The following RALGAPB variants were observed in gnomAD, a reference collection of about 807,000 sequenced individuals.
RALGAPB encodes the protein Ral GTPase activating protein non-catalytic subunit beta, also known as ral GTPase-activating protein subunit beta.
Under a neutral mutation model 161.1 loss-of-function variants are expected in RALGAPB, and 25 were observed. That is an observed-to-expected ratio of 0.16 (90% CI 0.11 to 0.22). The LOEUF (loss-of-function observed/expected upper bound fraction) is 0.22, where lower values mean the gene tolerates loss of function less well. RALGAPB is among the 10% of genes least tolerant of loss of function. The probability of loss-of-function intolerance (pLI) is 1.00; values close to 1 mark genes in which losing one functional copy is unlikely to be tolerated. For synonymous variants in RALGAPB, 629 were observed against 626.1 expected, an observed-to-expected ratio of 1.00 and a Z score of -0.07; for missense variants, 1,391 against 1,815.2, an observed-to-expected ratio of 0.77 and a Z score of 4.25.
At chr20:38,493,265 A>G (rs1168282962) in intron 3 of RALGAPB, 133 bp downstream of exon 3, 1 of 706,118 alleles carries the variant, frequency 1.4e-6, no homozygotes, top group Non-Finnish European at 2.3e-6. Context: ...TAAAGATTGT[A>G]TTAATGTGAA....
chr20:38,526,536 T>C (rs925966154), intron 13 of RALGAPB, among the ~76,000 whole-genome samples: 2 of 152,178 alleles, frequency 1.3e-5, no homozygotes, highest in East Asian at 3.8e-4. Context: ...TTACTTTATA[T>C]CCCTCCTGCT....
intron 1 of RALGAPB, among the ~76,000 whole-genome samples, chr20:38,475,398 C>T (rs1212962732): frequency 6.6e-6 from 1 of 152,126 alleles, no homozygotes; most frequent in African/African-American, 2.4e-5. Flanking sequence ...CCCCATTTGC[C>T]ATATTTACAA....
At chr20:38,519,235 A>G (rs548953173) in intron 9 of RALGAPB, among the ~76,000 whole-genome samples, 1 of 152,266 alleles carries the variant, frequency 6.6e-6, no homozygotes, top group Non-Finnish European at 1.5e-5. Context: ...TGCTTCTGGG[A>G]TAGGTAAATG....
At chr20:38,475,225 T>C (rs1019949922) in intron 1 of RALGAPB, among the ~76,000 whole-genome samples, 9 of 152,250 alleles carry the variant, frequency 5.9e-5, no homozygotes, top group Non-Finnish European at 4.4e-5. Flanking sequence ...CACTGCCTTG[T>C]TGGTATTTGG....
At chr20:38,511,375 C>G (rs1295587702) in intron 6 of RALGAPB, among the ~76,000 whole-genome samples, 2 of 145,712 alleles carry the variant, frequency 1.4e-5, no homozygotes, top group African/African-American at 5.1e-5. Context: ...GGGTGTTTCT[C>G]GGAGAGGGGG....
chr20:38,564,613 T>TGGGG (rs1568981042), intron 24 of RALGAPB, among the ~76,000 whole-genome samples: 1 of 152,224 alleles, frequency 6.6e-6, no homozygotes, highest in Non-Finnish European at 1.5e-5. Context: ...TTCATTTTAA[T>TGGGG]TGAGAACTAT....
At chr20:38,481,470 G>C (rs1202734560) in intron 1 of RALGAPB, among the ~76,000 whole-genome samples, 3 of 152,194 alleles carry the variant, frequency 2.0e-5, no homozygotes, top group Non-Finnish European at 4.4e-5. Context: ...GGCAGGCCAA[G>C]AGAGAACTTG....
At chr20:38,510,131 TACACACACACACACAC>T (rs34759480) in intron 6 of RALGAPB, among the ~76,000 whole-genome samples, 1,560 of 146,274 alleles carry the variant, frequency 0.011, 22 homozygotes, top group African/African-American at 0.037. Context: ...CACACGCACA[TACACACACACACACAC>T]ACACACACAC....
At position 38,569,580 on chromosome 20, in the gene RALGAPB, A is replaced by C. The variant is rs898680979; in HGVS notation, c.3955-308A>C. 4 of 242,814 alleles carry C rather than the reference A, an allele frequency of 1.6e-5. No individual in the cohort carries two copies. The South Asian group carries it at 2.4e-4, about 15-fold the overall frequency. The allele number at this position is 242,814 out of a possible 1,614,324, so 15.0% of individuals were successfully genotyped here. A position where few individuals can be genotyped will look rare whatever the true frequency, so the allele number is the denominator to read the frequency against. On this transcript the variant is annotated intron_variant, in intron 26 of 29. Coordinates refer to ENST00000262879, the MANE Select transcript of RALGAPB (RefSeq NM_020336.4). ...TCTGGCCCTAACAGAGATAGACTCA[A>C]ATCTTTTAAGCCCTCATTAAGATAC...
intron 6 of RALGAPB, among the ~76,000 whole-genome samples, chr20:38,514,412 CTTTGCTTAG>C (rs2086066265): frequency 6.6e-6 from 1 of 152,170 alleles, no homozygotes; most frequent in South Asian, 2.1e-4. Flanking sequence ...GGGGCTTTCC[CTTTGCTTAG>C]TTTCTCCAAA....
intron 16 of RALGAPB, chr20:38,538,359 G>T: frequency 4.6e-6 from 1 of 219,418 alleles, no homozygotes; most frequent in Admixed American, 4.4e-5. Context: ...AGAATCCCCT[G>T]CCTGACCACG....
chr20:38,561,958 G>A (rs1409802799), intron 23 of RALGAPB, among the ~76,000 whole-genome samples: 1 of 152,130 alleles, frequency 6.6e-6, no homozygotes, highest in African/African-American at 2.4e-5. Context: ...GAAACCCCAC[G>A]CATTACATTT....
At chr20:38,550,134 G>A (rs561697902) in intron 20 of RALGAPB, among the ~76,000 whole-genome samples, 1 of 152,302 alleles carries the variant, frequency 6.6e-6, no homozygotes, top group African/African-American at 2.4e-5. Context: ...TCACACTCTG[G>A]GGCCTGTTGT....
chr20:38,483,164 T>C (rs1038601753), intron 1 of RALGAPB, among the ~76,000 whole-genome samples: 3 of 152,064 alleles, frequency 2.0e-5, no homozygotes, highest in African/African-American at 7.2e-5. Flanking sequence ...GCTGGGATTA[T>C]AGGCGTGAGC....
intron 16 of RALGAPB, among the ~76,000 whole-genome samples, chr20:38,538,937 A>G (rs1250538866): frequency 6.6e-6 from 1 of 152,214 alleles, no homozygotes; most frequent in East Asian, 1.9e-4. Flanking sequence ...TACCTTGTAC[A>G]TGAATGTTTA....
chr20:38,505,267 C>T (rs933283462), intron 5 of RALGAPB, among the ~76,000 whole-genome samples: 3 of 152,176 alleles, frequency 2.0e-5, no homozygotes, highest in Non-Finnish European at 2.9e-5. Flanking sequence ...TTAATTGTGT[C>T]CTTTGTAGCA....
At chr20:38,569,695 AG>A in intron 26 of RALGAPB, 192 bp from the exon 27 acceptor site, 1 of 527,882 alleles carries the variant, frequency 1.9e-6, no homozygotes, top group Non-Finnish European at 3.4e-6. Flanking sequence ...GCCTTGTCCT[AG>A]GTTAAGACTG....
chr20:38,549,541 A>AT (rs1320905798), intron 20 of RALGAPB, among the ~76,000 whole-genome samples: 3 of 122,706 alleles, frequency 2.4e-5, no homozygotes, highest in African/African-American at 9.1e-5. Context: ...ATTAAAAAAA[A>AT]AAAAAAAAAT....
At chr20:38,511,318 TTTC>T (rs1009252680) in intron 6 of RALGAPB, among the ~76,000 whole-genome samples, 1 of 150,848 alleles carries the variant, frequency 6.6e-6, no homozygotes, top group African/African-American at 2.5e-5. Flanking sequence ...TGAGTCTGCC[TTTC>T]TTTTTTTTTT....
Sources: allele counts gnomAD v4.1 joint callset (sites outside exome capture counted in the v4.1 genomes callset), GRCh38; gene constraint gnomAD v4.1.1; transcripts MANE v1.5; gene names NCBI Gene and HGNC (gene_info 2026-07-23, HGNC 2026-07-21).